Variants in SPOCK3 observed in about 807,000 individuals in gnomAD.
SPOCK3 encodes SPARC (osteonectin), cwcv and kazal like domains proteoglycan 3, also known as testican-3.
Under a neutral mutation model 56.6 loss-of-function variants are expected in SPOCK3, and 30 were observed. The ratio of observed to expected loss-of-function variants is 0.53; its 90% CI spans 0.40 to 0.72. SPOCK3 has a LOEUF of 0.72. SPOCK3 is among the 30% of genes least tolerant of loss of function. The pLI is 0.00. For synonymous variants in SPOCK3, 196 were observed against 183.3 expected (o/e 1.07, Z -0.56); for missense variants, 527 against 530.0 (o/e 0.99, Z 0.06).
intron 2 of SPOCK3, among the ~76,000 whole-genome samples, chr4:167,230,124 CTTTT>C (rs923893566): frequency 6.6e-6 from 1 of 151,348 alleles, no homozygotes. Context: ...CATATTTTAT[CTTTT>C]TTTGTCATTC....
chr4:166,886,370 A>T (rs566788878), intron 6 of SPOCK3, among the ~76,000 whole-genome samples: 3 of 152,288 alleles, frequency 2.0e-5, no homozygotes, highest in South Asian at 4.1e-4. Flanking sequence ...TTTATGAGTT[A>T]GAAAATGAGA....
At chr4:166,983,562 T>C (rs1746817465) in intron 4 of SPOCK3, among the ~76,000 whole-genome samples, 1 of 152,124 alleles carries the variant, frequency 6.6e-6, no homozygotes. Flanking sequence ...TAGTGTTCTA[T>C]AGCTGCATGG....
intron 2 of SPOCK3, among the ~76,000 whole-genome samples, chr4:167,121,830 A>G (rs892133552): frequency 3.3e-5 from 5 of 152,146 alleles, no homozygotes; most frequent in African/African-American, 1.2e-4. Context: ...GCCATCCCCT[A>G]TGAAATAATA....
intron 6 of SPOCK3, among the ~76,000 whole-genome samples, chr4:166,883,681 C>T (rs1256539118): frequency 6.6e-6 from 1 of 152,126 alleles, no homozygotes; most frequent in African/African-American, 2.4e-5. Context: ...ATGCGTAGCT[C>T]ACATCAAGGG....
chr4:166,881,190 A>C (rs2126980656), intron 6 of SPOCK3, among the ~76,000 whole-genome samples: 1 of 152,170 alleles, frequency 6.6e-6, no homozygotes, highest in African/African-American at 2.4e-5. Context: ...AGTTTACATT[A>C]ACATGTAAAT....
chr4:166,754,155 C>A, intron 8 of SPOCK3: 1 of 1,006,168 alleles, frequency 9.9e-7, no homozygotes, highest in Admixed American at 5.7e-5. Flanking sequence ...ATAAAAAATC[C>A]ATTTATTTTA....
At chr4:166,992,047 AT>A (rs1193832814) in intron 4 of SPOCK3, among the ~76,000 whole-genome samples, 1 of 152,226 alleles carries the variant, frequency 6.6e-6, no homozygotes. Context: ...CTTTACAGCC[AT>A]TCAAAGAAAT....
intron 3 of SPOCK3, among the ~76,000 whole-genome samples, chr4:167,057,795 G>T (rs1290473301): frequency 1.3e-5 from 2 of 152,186 alleles, no homozygotes; most frequent in East Asian, 3.9e-4. Context: ...AGCAAGTCCT[G>T]AGTGACGTAC....
intron 2 of SPOCK3, among the ~76,000 whole-genome samples, chr4:167,093,400 G>A (rs543224219): frequency 2.6e-5 from 4 of 152,074 alleles, no homozygotes; most frequent in East Asian, 1.9e-4. Context: ...CCATCAACCC[G>A]TCATCTACAT....
At chr4:166,793,919 T>G (rs182459397) in intron 6 of SPOCK3, among the ~76,000 whole-genome samples, 6 of 152,112 alleles carry the variant, frequency 3.9e-5, no homozygotes, top group Non-Finnish European at 7.4e-5. Context: ...CAATATGTGA[T>G]ACACCAGAGA....
At chr4:167,014,512 G>A (rs922247448) in intron 3 of SPOCK3, among the ~76,000 whole-genome samples, 4 of 151,840 alleles carry the variant, frequency 2.6e-5, no homozygotes, top group Non-Finnish European at 4.4e-5. Flanking sequence ...AAATTTAGCC[G>A]AGCATGGTGA....
intron 7 of SPOCK3, among the ~76,000 whole-genome samples, chr4:166,765,031 G>A (rs1737804699): frequency 6.6e-6 from 1 of 152,012 alleles, no homozygotes; most frequent in African/African-American, 2.4e-5. Flanking sequence ...ACTTTTCGAT[G>A]GGTTCTTTGT....
chr4:166,763,576 A>G (rs1017086927), intron 7 of SPOCK3, among the ~76,000 whole-genome samples: 1 of 152,094 alleles, frequency 6.6e-6, no homozygotes, highest in African/African-American at 2.4e-5. Flanking sequence ...TTAGAGCAAA[A>G]ACCATAACAA....
intron 5 of SPOCK3, among the ~76,000 whole-genome samples, chr4:166,909,047 T>C (rs1189520041): frequency 6.6e-6 from 1 of 152,078 alleles, no homozygotes; most frequent in Non-Finnish European, 1.5e-5. Flanking sequence ...CTAAAGAAAG[T>C]AAATAATTTT....
At chr4:166,751,426 T>G (rs1295667795) in intron 8 of SPOCK3, among the ~76,000 whole-genome samples, 1 of 152,184 alleles carries the variant, frequency 6.6e-6, no homozygotes, top group Non-Finnish European at 1.5e-5. Context: ...TAAGTTGCAC[T>G]GATGATTCTA....
intron 3 of SPOCK3, among the ~76,000 whole-genome samples, chr4:167,054,158 T>G (rs993271213): frequency 2.0e-5 from 3 of 152,138 alleles, no homozygotes; most frequent in African/African-American, 7.2e-5. Context: ...TAAAAGGTGA[T>G]CCTTGTAGAT....
At chr4:167,120,143 T>C (rs959312498) in intron 2 of SPOCK3, among the ~76,000 whole-genome samples, 4 of 152,070 alleles carry the variant, frequency 2.6e-5, no homozygotes, top group African/African-American at 7.2e-5. Context: ...GGCACAATAA[T>C]TATGTGGTTG....
intron 8 of SPOCK3, among the ~76,000 whole-genome samples, chr4:166,742,678 A>G (rs1735014073): frequency 6.6e-6 from 1 of 152,142 alleles, no homozygotes; most frequent in Non-Finnish European, 1.5e-5. Flanking sequence ...CAATTTAGGA[A>G]CAGGATATAA....
At chr4:167,218,960 T>C (rs892013798) in intron 2 of SPOCK3, among the ~76,000 whole-genome samples, 22 of 152,122 alleles carry the variant, frequency 1.4e-4, no homozygotes, top group African/African-American at 5.1e-4. Context: ...CAGTGTGGAG[T>C]GTGCCTTTAA....
Sources: gnomAD v4.1 joint callset for allele counts (sites outside exome capture counted in the v4.1 genomes callset) on GRCh38, gnomAD v4.1.1 for gene constraint, MANE v1.5 for transcripts, NCBI Gene and HGNC (gene_info 2026-07-23, HGNC 2026-07-21) for gene names.